Variants in SEMA6D observed in about 807,000 individuals in gnomAD.
SEMA6D encodes semaphorin 6D.
A neutral mutation model predicts 106.6 loss-of-function variants in SEMA6D; 35 were observed. That is an observed-to-expected ratio of 0.33 (90% CI 0.25 to 0.44). The LOEUF (loss-of-function observed/expected upper bound fraction) is 0.44, where lower values mean the gene tolerates loss of function less well. SEMA6D is among the 20% of genes least tolerant of loss of function. The pLI is 1.00. For missense variants in SEMA6D, 1,185 were observed against 1,345.9 expected, an observed-to-expected ratio of 0.88 and a Z score of 1.87; for synonymous variants, 499 against 487.7, an observed-to-expected ratio of 1.02 and a Z score of -0.31.
intron 2 of SEMA6D, among the ~76,000 whole-genome samples, chr15:47,453,434 C>T (rs867505871): frequency 3.9e-5 from 6 of 151,932 alleles, no homozygotes; most frequent in Non-Finnish European, 7.4e-5. Flanking sequence ...GTTATGACAA[C>T]AGCTATTAAA....
chr15:47,472,007 G>A (rs1435979662), intron 3 of SEMA6D, among the ~76,000 whole-genome samples: 2 of 151,640 alleles, frequency 1.3e-5, no homozygotes, highest in Non-Finnish European at 2.9e-5. Flanking sequence ...GAAGGGGGAA[G>A]GGGATGGAGG....
chr15:47,459,946 A>G (rs1432146117), intron 2 of SEMA6D, among the ~76,000 whole-genome samples: 1 of 152,194 alleles, frequency 6.6e-6, no homozygotes, highest in East Asian at 1.9e-4. Context: ...TTGAAAATCA[A>G]TTCCACTAAC....
intron 1 of SEMA6D, among the ~76,000 whole-genome samples, chr15:47,285,707 G>A (rs1595638095): frequency 6.6e-6 from 1 of 152,172 alleles, no homozygotes; most frequent in African/African-American, 2.4e-5. Flanking sequence ...GAATGAAATT[G>A]CCAGGTGGCC....
chr15:47,291,702 C>T (rs1196067453), intron 1 of SEMA6D, among the ~76,000 whole-genome samples: 2 of 152,192 alleles, frequency 1.3e-5, no homozygotes, highest in Non-Finnish European at 2.9e-5. Context: ...TGATTTTTCT[C>T]TCTGAACCTC....
intron 1 of SEMA6D, among the ~76,000 whole-genome samples, chr15:47,724,197 AGAG>A (rs1175018762): frequency 6.6e-6 from 1 of 152,252 alleles, no homozygotes; most frequent in African/African-American, 2.4e-5. Flanking sequence ...CAGAGGGAGA[AGAG>A]GAGGCAGAAG....
chr15:47,523,102 G>C (rs2044640704), intron 3 of SEMA6D, among the ~76,000 whole-genome samples: 1 of 152,198 alleles, frequency 6.6e-6, no homozygotes, highest in South Asian at 2.1e-4. Flanking sequence ...TCTTCCATCT[G>C]CTAACAGTGC....
intron 3 of SEMA6D, among the ~76,000 whole-genome samples, chr15:47,493,806 C>T (rs1461017561): frequency 1.3e-5 from 2 of 152,142 alleles, no homozygotes; most frequent in African/African-American, 2.4e-5. Context: ...CTCCATAATT[C>T]ATACTCTTGA....
chr15:47,724,057 A>C (rs1302534277), intron 1 of SEMA6D, among the ~76,000 whole-genome samples: 1 of 152,236 alleles, frequency 6.6e-6, no homozygotes, highest in Non-Finnish European at 1.5e-5. Flanking sequence ...CCACTGGCCT[A>C]CGCCTCACTT....
chr15:47,400,051 C>G (rs2145969148), intron 1 of SEMA6D, among the ~76,000 whole-genome samples: 1 of 152,236 alleles, frequency 6.6e-6, no homozygotes, highest in African/African-American at 2.4e-5. Context: ...CCCTCCTCAC[C>G]ATCCTTAAGC....
chr15:47,277,616 A>AT (rs537046889), intron 1 of SEMA6D, among the ~76,000 whole-genome samples: 4,709 of 137,048 alleles, frequency 0.034, 90 homozygotes, highest in Middle Eastern at 0.064. Flanking sequence ...ATTATTATTT[A>AT]TTATTATTAT....
intron 1 of SEMA6D, among the ~76,000 whole-genome samples, chr15:47,248,909 AT>A (rs2033351758): frequency 6.6e-6 from 1 of 152,142 alleles, no homozygotes; most frequent in Non-Finnish European, 1.5e-5. Flanking sequence ...CTTAATAACA[AT>A]TACCAAGTTC....
chr15:47,429,327 T>C (rs2041450253), intron 2 of SEMA6D, among the ~76,000 whole-genome samples: 1 of 152,166 alleles, frequency 6.6e-6, no homozygotes, highest in African/African-American at 2.4e-5. Flanking sequence ...TTTAGCATTC[T>C]TGTAAGAATT....
chr15:47,289,297 A>G (rs935276231), intron 1 of SEMA6D, among the ~76,000 whole-genome samples: 16 of 150,822 alleles, frequency 1.1e-4, no homozygotes, highest in African/African-American at 3.9e-4. Context: ...AGGAGGCCAA[A>G]GCAGGAGAAT....
intron 2 of SEMA6D, among the ~76,000 whole-genome samples, chr15:47,440,048 C>T (rs1431786096): frequency 2.6e-5 from 4 of 151,942 alleles, no homozygotes; most frequent in Admixed American, 6.6e-5. Context: ...GCTCGCATGC[C>T]GGAAGAGTTG....
chr15:47,539,871 A>G (rs949886763), intron 3 of SEMA6D, among the ~76,000 whole-genome samples: 2 of 152,090 alleles, frequency 1.3e-5, no homozygotes, highest in Admixed American at 1.3e-4. Context: ...ATGGAGTTGC[A>G]TTTCACTGGG....
chr15:47,462,418 A>C (rs2042541776), intron 2 of SEMA6D, among the ~76,000 whole-genome samples: 1 of 152,210 alleles, frequency 6.6e-6, no homozygotes, highest in African/African-American at 2.4e-5. Flanking sequence ...CATGTATCCC[A>C]AATGACCCAT....
chr15:47,350,051 C>G (rs947416437), intron 1 of SEMA6D, among the ~76,000 whole-genome samples: 3 of 152,080 alleles, frequency 2.0e-5, no homozygotes, highest in Admixed American at 2.0e-4. Context: ...TTAAACATCA[C>G]TGGAAAAATT....
At chr15:47,377,413 G>C (rs779469954) in intron 1 of SEMA6D, among the ~76,000 whole-genome samples, 1 of 152,168 alleles carries the variant, frequency 6.6e-6, no homozygotes, top group Non-Finnish European at 1.5e-5. Context: ...CACCTCCTGA[G>C]CTACAGGGAT....
chr15:47,264,342 T>TG lies in SEMA6D; in HGVS notation c.-239+79924_-239+79925insG, dbSNP rs904937383. 2.2e-4 allele frequency among the ~76,000 whole-genome samples: 3 copies of TG among 13,948 alleles called. No individual in the cohort carries two copies. The Non-Finnish European group carries it at 5.6e-3, about 26-fold the overall frequency. 9.2% of individuals were successfully genotyped at this position (13,948 alleles called of 152,430 possible). On this transcript the variant is annotated intron_variant, in intron 1 of 19. Transcript: ENST00000558014. ...GTCATTTACCCCTGAATTTAAAAGG[T>TG]TTTTTTTTTTTAAATATTGTGCAAG... is the stretch of plus-strand genomic sequence containing the variant.
Sources: gnomAD v4.1 joint callset for allele counts (sites outside exome capture counted in the v4.1 genomes callset) on GRCh38, gnomAD v4.1.1 for gene constraint, MANE v1.5 for transcripts, NCBI Gene and HGNC (gene_info 2026-07-23, HGNC 2026-07-21) for gene names.